DLG2: variants seen among roughly 807,000 people sequenced by gnomAD.
The protein encoded by DLG2 is discs large MAGUK scaffold protein 2.
DLG2 carries 45 observed loss-of-function variants against 132.5 expected under a neutral mutation model. That is an observed-to-expected ratio of 0.34 (90% CI 0.27 to 0.44). The LOEUF is 0.44. Ranked by LOEUF, DLG2 falls within the 20% of genes least tolerant of loss-of-function variation. The pLI, the probability that DLG2 is intolerant of heterozygous loss-of-function variation, is 1.00. For missense variants in DLG2, 1,045 were observed against 1,196.9 expected (o/e 0.87, Z 1.87); for synonymous variants, 424 against 419.6 (o/e 1.01, Z -0.13).
chr11:85,425,832 G>A (rs1286803044), intron 3 of DLG2, among the ~76,000 whole-genome samples: 1 of 152,124 alleles, frequency 6.6e-6, no homozygotes, highest in Non-Finnish European at 1.5e-5. Context: ...GCCGAAGCAG[G>A]GCAAGGCATC....
intron 3 of DLG2, among the ~76,000 whole-genome samples, chr11:85,569,938 C>G (rs2077749166): frequency 6.6e-6 from 1 of 152,140 alleles, no homozygotes; most frequent in Non-Finnish European, 1.5e-5. Flanking sequence ...ACATTCATCA[C>G]TCAGAGCACA....
At chr11:85,439,187 C>G (rs1045309898) in intron 3 of DLG2, among the ~76,000 whole-genome samples, 3 of 152,042 alleles carry the variant, frequency 2.0e-5, no homozygotes, top group African/African-American at 7.2e-5. Flanking sequence ...TTGCATGTTT[C>G]GTTTTATAAG....
chr11:84,594,671 TG>T (rs1224880628), intron 6 of DLG2, among the ~76,000 whole-genome samples: 1 of 152,098 alleles, frequency 6.6e-6, no homozygotes, highest in Non-Finnish European at 1.5e-5. Context: ...ACAAACAGTT[TG>T]GGATTTATGA....
chr11:84,661,427 A>T (rs2099694352), intron 6 of DLG2, among the ~76,000 whole-genome samples: 2 of 152,156 alleles, frequency 1.3e-5, no homozygotes, highest in South Asian at 4.1e-4. Flanking sequence ...TCTGAACAAC[A>T]GCTTCCTCAA....
chr11:85,070,085 T>C (rs917440638), intron 6 of DLG2, among the ~76,000 whole-genome samples: 1 of 151,654 alleles, frequency 6.6e-6, no homozygotes, highest in Admixed American at 6.6e-5. Context: ...TTCTCACTCA[T>C]AGGTGGGAAT....
Position 85,188,290 on chromosome 11 carries a change from G to A in DLG2, c.187-33639C>T, listed in dbSNP as rs941442407. On this transcript the variant is annotated intron_variant, in intron 4 of 27. Coordinates refer to ENST00000376104, the MANE Select transcript of DLG2 (RefSeq NM_001142699.3). ...CATAGGGGTGACCCATAGAAAGCCA[G>A]GATTTCAAACAAAAGTAAATATTAA... is the stretch of plus-strand genomic sequence containing the variant. Among the ~76,000 whole-genome samples, 9 of 152,260 alleles carry A rather than the reference G, an allele frequency of 5.9e-5. 1 individual carries two copies. Among genetic ancestry groups the A allele is most frequent in the Admixed American group, 3.3e-4 (5 of 15,288 alleles).
In DLG2 at chr11:85,520,198, C is replaced by T. The variant is rs558263103; in HGVS notation, c.40+78459G>A. ...CCCAGCCAGTAGCATTTCTATACAC[C>T]GATAATGATCAAACTGAGAATAAAA... On this transcript the variant is annotated intron_variant, in intron 3 of 27. Transcript: ENST00000376104. Among the ~76,000 whole-genome samples the T allele has an allele frequency of 2.1e-4, 32 of 151,900 alleles. No homozygotes were observed. The South Asian group carries it at 5.4e-3, about 26-fold the overall frequency.
intron 7 of DLG2, among the ~76,000 whole-genome samples, chr11:84,355,007 C>T (rs148543917): frequency 0.013 from 1,994 of 152,170 alleles, 16 homozygotes; most frequent in Middle Eastern, 0.027. Flanking sequence ...TGACTTCTCT[C>T]CTGAACAAGG....
intron 6 of DLG2, among the ~76,000 whole-genome samples, chr11:84,635,450 G>GC (rs1159547224): frequency 1.3e-5 from 2 of 152,016 alleles, no homozygotes; most frequent in Non-Finnish European, 2.9e-5. Flanking sequence ...GAAAGCTAAA[G>GC]CATTTAGAAC....
chr11:84,881,516 C>T (rs1490858801), intron 6 of DLG2, among the ~76,000 whole-genome samples: 1 of 152,064 alleles, frequency 6.6e-6, no homozygotes, highest in Non-Finnish European at 1.5e-5. Context: ...TCAAAGGGTC[C>T]AGTATTTCTT....
intron 11 of DLG2, among the ~76,000 whole-genome samples, chr11:83,992,390 G>T (rs890932816): frequency 6.6e-6 from 1 of 152,008 alleles, no homozygotes; most frequent in African/African-American, 2.4e-5. Context: ...TGGGCTAGAG[G>T]GGGTAGTGTC....
At chr11:84,470,132 T>A (rs946422794) in intron 7 of DLG2, among the ~76,000 whole-genome samples, 1 of 151,802 alleles carries the variant, frequency 6.6e-6, no homozygotes, top group East Asian at 1.9e-4. Context: ...ATGTGATCAA[T>A]CATTGTTGAC....
chr11:85,309,140 T>A (rs2080153227), intron 3 of DLG2, among the ~76,000 whole-genome samples: 1 of 152,054 alleles, frequency 6.6e-6, no homozygotes, highest in Non-Finnish European at 1.5e-5. Context: ...AGCTTCTCAG[T>A]CCCAGGAGAA....
At chr11:85,249,806 C>G (rs150883496) in intron 4 of DLG2, among the ~76,000 whole-genome samples, 8 of 152,278 alleles carry the variant, frequency 5.3e-5, no homozygotes, top group African/African-American at 1.9e-4. Flanking sequence ...ATTACCTTTG[C>G]AGTAGTCCAG....
intron 6 of DLG2, among the ~76,000 whole-genome samples, chr11:84,825,868 G>A (rs568817351): frequency 1.1e-4 from 16 of 151,846 alleles, no homozygotes; most frequent in Admixed American, 3.9e-4. Context: ...CCCTGTAAAT[G>A]CTGTTTTGTT....
chr11:83,480,941 T>C (rs11233633), intron 22 of DLG2, among the ~76,000 whole-genome samples: 54,617 of 151,908 alleles, frequency 0.36, 9,946 homozygotes, highest in Middle Eastern at 0.46. Context: ...CTAAACACAT[T>C]CTCAGGATGA....
chr11:84,544,622 C>T (rs548452141), intron 6 of DLG2, among the ~76,000 whole-genome samples: 28 of 152,286 alleles, frequency 1.8e-4, no homozygotes, highest in South Asian at 1.2e-3. Context: ...ATACTACTTG[C>T]TATCTGGGAG....
intron 7 of DLG2, among the ~76,000 whole-genome samples, chr11:84,506,805 G>T (rs1369112730): frequency 6.6e-6 from 1 of 152,162 alleles, no homozygotes; most frequent in Non-Finnish European, 1.5e-5. Flanking sequence ...GAAAATGTAA[G>T]AATTTGTTGG....
chr11:84,343,480 AC>A (rs2154407214), intron 7 of DLG2, among the ~76,000 whole-genome samples: 1 of 152,300 alleles, frequency 6.6e-6, no homozygotes, highest in African/African-American at 2.4e-5. Flanking sequence ...TTTGTCAAGA[AC>A]TCTGCCAGAA....
Sources: allele counts gnomAD v4.1 joint callset (sites outside exome capture counted in the v4.1 genomes callset), GRCh38; gene constraint gnomAD v4.1.1; transcripts MANE v1.5; gene names NCBI Gene and HGNC (gene_info 2026-07-23, HGNC 2026-07-21).